Variants in RWDD2B observed in about 807,000 individuals in gnomAD.
RWDD2B encodes RWD domain-containing protein 2B.
A neutral mutation model predicts 33.6 loss-of-function variants in RWDD2B; 36 were observed. The observed-to-expected ratio is 1.07, with a 90% confidence interval of 0.82 to 1.42. The LOEUF (loss-of-function observed/expected upper bound fraction) is 1.42, where lower values mean the gene tolerates loss of function less well. Among genes scored for constraint, RWDD2B ranks in the 40% most tolerant of loss-of-function variants. The pLI is 0.00. For synonymous variants in RWDD2B, 126 were observed against 133.1 expected, an observed-to-expected ratio of 0.95 and a Z score of 0.37; for missense variants, 364 against 377.5, an observed-to-expected ratio of 0.96 and a Z score of 0.30.
chr21:29,015,499 G>A (rs2084885958), intron 1 of RWDD2B, among the ~76,000 whole-genome samples: 1 of 148,492 alleles, frequency 6.7e-6, no homozygotes, highest in Admixed American at 6.7e-5. Context: ...AAAGTGCTGT[G>A]ATTACAGGTG....
At chr21:29,008,717 C>A in intron 1 of RWDD2B, 96 bp from the exon 2 acceptor site, 1 of 778,468 alleles carries the variant, frequency 1.3e-6, no homozygotes, top group South Asian at 1.8e-5. Context: ...TACTTGGTTT[C>A]TTCATAAATT....
At chr21:29,014,968 A>G (rs1220188043) in intron 1 of RWDD2B, among the ~76,000 whole-genome samples, 1 of 152,076 alleles carries the variant, frequency 6.6e-6, no homozygotes, top group Non-Finnish European at 1.5e-5. Context: ...CAAATCTCCT[A>G]GATTTCCTTC....
chr21:29,012,117 T>G (rs1459445996), intron 1 of RWDD2B, among the ~76,000 whole-genome samples: 5 of 101,636 alleles, frequency 4.9e-5, no homozygotes, highest in East Asian at 3.3e-4. Context: ...GGAGGGAGGT[T>G]GGGGGGTCAG....
intron 1 of RWDD2B, chr21:29,009,833 A>T (rs1252921794): frequency 6.6e-6 from 1 of 152,228 alleles, no homozygotes; most frequent in Non-Finnish European, 1.5e-5. Flanking sequence ...GGTATAATGT[A>T]TAAATATGTA....
intron 1 of RWDD2B, among the ~76,000 whole-genome samples, chr21:29,011,410 A>G (rs2084858244): frequency 6.8e-6 from 1 of 146,920 alleles, no homozygotes; most frequent in Non-Finnish European, 1.5e-5. Context: ...CCGTCTGAGA[A>G]GTGAGGAGCC....
In RWDD2B at chr21:29,008,019, T is replaced by G; in HGVS notation, c.467A>C (p.Glu156Ala). 1.2e-6 allele frequency: 2 copies of G among 1,614,250 alleles called. No homozygotes were observed. Among genetic ancestry groups the G allele is most frequent in the Middle Eastern group, 1.6e-4 (1 of 6,062 alleles). Residue 156 changes from glutamate (E) to alanine (A), a missense_variant, in exon 4 of 5, where the codon GAG becomes GCG. By Grantham distance (107) the Glu-to-Ala change is moderately radical (BLOSUM62 -1). Transcript: ENST00000493196. Reference sequence around the variant, plus strand: ...GCCAGAGGCGTGTTCTCTAACCCACTCTGTGGCATTCAGTATACAAACATC... The same window carrying G: ...GCCAGAGGCGTGTTCTCTAACCCACGCTGTGGCATTCAGTATACAAACATC... ...HGDVCILNAT[E>A]WVREHASGYV...
Position 29,006,402 on chromosome 21 carries a change from C to T in RWDD2B, c.*15G>A, listed in dbSNP as rs1236582184. 6.6e-7 allele frequency: 1 copy of T among 1,507,990 alleles called. No homozygotes were observed. Among genetic ancestry groups the T allele is most frequent in the Non-Finnish European group, 9.0e-7 (1 of 1,105,136 alleles). 93.4% of individuals were successfully genotyped at this position (1,507,990 alleles called of 1,614,324 possible). On this transcript the variant is annotated 3_prime_UTR_variant, in exon 5 of 5. Coordinates refer to ENST00000493196, the MANE Select transcript of RWDD2B (RefSeq NM_016940.3). ...AAGGCCAACAGTGGCAAGATACTTT[C>T]AACTACTCTTGATGTCATTGTCCTT...
intron 1 of RWDD2B, 56 bp downstream of exon 1, chr21:29,019,155 C>T (rs1640680784): frequency 2.8e-6 from 4 of 1,418,376 alleles, no homozygotes; most frequent in Admixed American, 1.9e-5. Context: ...CTGGGCGCTG[C>T]AGCGTGGGAA....
rs1380442090 is a variant in RWDD2B at position 29,006,389 on chromosome 21, G to C, written c.*28C>G. On this transcript the variant is annotated 3_prime_UTR_variant, in exon 5 of 5. Coordinates refer to ENST00000493196, the MANE Select transcript of RWDD2B (RefSeq NM_016940.3). Reference sequence around the variant, plus strand: ...AAAAAAAAATCAAAAGGCCAACAGTGGCAAGATACTTTCAACTACTCTTGA... The same window carrying C: ...AAAAAAAAATCAAAAGGCCAACAGTCGCAAGATACTTTCAACTACTCTTGA... The C allele has an allele frequency of 3.6e-6, 5 of 1,401,430 alleles. No individual in the cohort carries two copies. The highest frequency in any genetic ancestry group is 3.0e-6 in the Non-Finnish European group (3 of 1,014,546). The allele number at this position is 1,401,430 out of a possible 1,614,324, so 86.8% of individuals were successfully genotyped here.
Position 29,019,248 on chromosome 21 carries a change from C to T in RWDD2B, c.30G>A (p.Trp10Ter), listed in dbSNP as rs1302517347. Residue 10 changes from tryptophan (W) to a stop codon, truncating the protein, a stop_gained, in exon 1 of 5, where the codon TGG (tryptophan) becomes TGA (stop). Transcript: ENST00000493196. LOFTEE classifies it high-confidence loss of function. MKIELSMQP[W>*]NPGYSSEGAT... ...CCCCCTCACTGCTGTAACCCGGGTT[C>T]CATGGCTGCATGGACAGCTCAATTT... 6.2e-7 allele frequency: 1 copy of T among 1,606,080 alleles called. No individual in the cohort carries two copies. The highest frequency in any genetic ancestry group is 1.7e-5 in the Admixed American group (1 of 58,734).
intron 1 of RWDD2B, among the ~76,000 whole-genome samples, 186 bp downstream of exon 1, chr21:29,019,025 C>A (rs941597887): frequency 2.0e-5 from 3 of 152,142 alleles, no homozygotes; most frequent in Non-Finnish European, 4.4e-5. Context: ...GGGGCGAGGT[C>A]CCCGGCTGGA....
chr21:29,011,131 C>A (rs554794127), intron 1 of RWDD2B, among the ~76,000 whole-genome samples: 1 of 148,994 alleles, frequency 6.7e-6, no homozygotes, highest in South Asian at 2.2e-4. Flanking sequence ...GGCCACCCAT[C>A]GTCTGGGATG....
In RWDD2B at chr21:29,004,754, C is replaced by T. The variant is rs1179119274; in HGVS notation, c.*1663G>A. 6.6e-6 allele frequency: 1 copy of T among 152,218 alleles called. No homozygotes were observed. The highest frequency in any genetic ancestry group is 2.4e-5 in the African/African-American group (1 of 41,452). The allele number at this position is 152,218 out of a possible 1,614,324, so 9.4% of individuals were successfully genotyped here. A position where few individuals can be genotyped will look rare whatever the true frequency, so the allele number is the denominator to read the frequency against. On this transcript the variant is annotated 3_prime_UTR_variant, in exon 5 of 5. Coordinates refer to ENST00000493196, the MANE Select transcript of RWDD2B (RefSeq NM_016940.3). ...ATTTAGGTCCAATACAAGCACTGTG[C>T]TTTAAATACCATTCTGATTCTCATT...
intron 1 of RWDD2B, among the ~76,000 whole-genome samples, chr21:29,015,697 T>C (rs558302941): frequency 1.3e-5 from 2 of 151,592 alleles, no homozygotes; most frequent in Non-Finnish European, 2.9e-5. Context: ...GCCCAGCTAA[T>C]TTTTTGTATT....
intron 1 of RWDD2B, among the ~76,000 whole-genome samples, chr21:29,014,193 T>G (rs1309845133): frequency 6.6e-6 from 1 of 152,160 alleles, no homozygotes; most frequent in Non-Finnish European, 1.5e-5. Flanking sequence ...CAAGAGAGAA[T>G]GAGAGCAAGT....
intron 1 of RWDD2B, among the ~76,000 whole-genome samples, chr21:29,016,288 G>C (rs1026572724): frequency 1.3e-5 from 2 of 151,542 alleles, no homozygotes; most frequent in African/African-American, 2.4e-5. Context: ...TTTTGAGACG[G>C]AGTTTCGCTC....
intron 1 of RWDD2B, among the ~76,000 whole-genome samples, chr21:29,013,557 C>A (rs1601023427): frequency 6.6e-6 from 1 of 151,978 alleles, no homozygotes; most frequent in African/African-American, 2.4e-5. Flanking sequence ...GGCGTGGTGG[C>A]CGGCGCCTGT....
At chr21:29,015,655 G>A (rs1179744995) in intron 1 of RWDD2B, among the ~76,000 whole-genome samples, 4 of 149,864 alleles carry the variant, frequency 2.7e-5, no homozygotes, top group South Asian at 4.3e-4. Flanking sequence ...TCAGCCTCCC[G>A]AATAGCTGGG....
intron 1 of RWDD2B, among the ~76,000 whole-genome samples, chr21:29,011,277 G>C (rs1157631319): frequency 6.6e-6 from 1 of 151,072 alleles, no homozygotes; most frequent in East Asian, 2.0e-4. Flanking sequence ...GTCTCTGCCC[G>C]GCCGCCCATC....
Sources: allele counts gnomAD v4.1 joint callset (sites outside exome capture counted in the v4.1 genomes callset), GRCh38; gene constraint gnomAD v4.1.1; transcripts MANE v1.5; gene names NCBI Gene and HGNC (gene_info 2026-07-23, HGNC 2026-07-21).